The following ASRGL1 variants were observed in gnomAD, a reference collection of about 807,000 sequenced individuals.
ASRGL1 encodes asparaginase and isoaspartyl peptidase 1, also known as isoaspartyl peptidase/L-asparaginase.
ASRGL1 carries 16 observed loss-of-function variants against 22.4 expected under a neutral mutation model. That is an observed-to-expected ratio of 0.71 (90% CI 0.48 to 1.08). ASRGL1 has a LOEUF of 1.08. ASRGL1 is among the 50% of genes least tolerant of loss of function. The pLI, the probability that ASRGL1 is intolerant of heterozygous loss-of-function variation, is 0.00. For synonymous variants in ASRGL1, 165 were observed against 159.3 expected, an observed-to-expected ratio of 1.04 and a Z score of -0.27; for missense variants, 412 against 410.1, an observed-to-expected ratio of 1.00 and a Z score of -0.04.
chr11:62,400,390 T>G, the ASRGL1 span, among the ~76,000 whole-genome samples: 1 of 152,070 alleles, frequency 6.6e-6, no homozygotes, highest in Non-Finnish European at 1.5e-5. Context: ...CCAACCAGAG[T>G]GAGCCGTTCC....
chr11:62,371,055 A>G, intron 4 of ASRGL1: 1 of 507,926 alleles, frequency 2.0e-6, no homozygotes, highest in South Asian at 3.9e-5. Flanking sequence ...GAAAAAAAAA[A>G]AAGCCCTCCG....
downstream of ASRGL1, among the ~76,000 whole-genome samples, chr11:62,395,046 G>A (rs529118634): frequency 1.3e-5 from 2 of 152,332 alleles, no homozygotes; most frequent in African/African-American, 4.8e-5. Flanking sequence ...CCAAAGGGAA[G>A]GTACTCTATC....
At chr11:62,367,722 T>G (rs1946649469) in intron 4 of ASRGL1, among the ~76,000 whole-genome samples, 1 of 151,830 alleles carries the variant, frequency 6.6e-6, no homozygotes, top group Non-Finnish European at 1.5e-5. Flanking sequence ...GGTGGGTGGA[T>G]CACAAGGTCA....
chr11:62,390,973 T>C (rs1947322672), intron 5 of ASRGL1, among the ~76,000 whole-genome samples: 2 of 152,186 alleles, frequency 1.3e-5, no homozygotes, highest in Admixed American at 1.3e-4. Flanking sequence ...AGAAATCTTA[T>C]CAAAGTAGCT....
In ASRGL1 at chr11:62,338,262, G is replaced by A. The variant is rs75225813; in HGVS notation, c.190+95G>A. On this transcript the variant is annotated intron_variant, in intron 2 of 6. Coordinates refer to ENST00000415229, the MANE Select transcript of ASRGL1 (RefSeq NM_001083926.2). ...TACATAGTGTTAGGGAATCTAATGAGCTTTGGGGTGAAACTAAGTATGTAA... is the reference window on the plus strand; with the variant it reads ...TACATAGTGTTAGGGAATCTAATGAACTTTGGGGTGAAACTAAGTATGTAA... The A allele has an allele frequency of 4.8e-6, 6 of 1,248,872 alleles. No homozygotes were observed. In the East Asian group the frequency reaches 1.7e-4, roughly 36 times the overall value. The allele number at this position is 1,248,872 out of a possible 1,614,324, so 77.4% of individuals were successfully genotyped here.
chr11:62,397,960 TGGG>T (rs1947450537), downstream of ASRGL1, among the ~76,000 whole-genome samples: 1 of 152,076 alleles, frequency 6.6e-6, no homozygotes, highest in Non-Finnish European at 1.5e-5. Flanking sequence ...CACTGCTTGC[TGGG>T]TAGTTAGGGC....
rs1406791155 is a variant in ASRGL1, at chr11:62,373,598, A to C, written c.492-15535A>C. Among the ~76,000 whole-genome samples, 5 of 152,240 alleles carry C rather than the reference A, an allele frequency of 3.3e-5. No homozygotes were observed. The East Asian group carries it at 9.6e-4, about 29-fold the overall frequency. On this transcript the variant is annotated intron_variant, in intron 4 of 6. Transcript: ENST00000415229. Reference sequence around the variant, plus strand: ...ACTCAGAAAAAATGTCCCTTACAGGAACCGGCAGCAGCTAGGCGAAGTCGC... The same window carrying C: ...ACTCAGAAAAAATGTCCCTTACAGGCACCGGCAGCAGCTAGGCGAAGTCGC...
At chr11:62,358,936 A>G (rs1946369770) in intron 4 of ASRGL1, among the ~76,000 whole-genome samples, 2 of 152,370 alleles carry the variant, frequency 1.3e-5, no homozygotes, top group South Asian at 4.1e-4. Flanking sequence ...TTCTTGCATC[A>G]CAAAGTATTA....
At chr11:62,375,176 A>G (rs1946881478) in intron 4 of ASRGL1, among the ~76,000 whole-genome samples, 1 of 151,950 alleles carries the variant, frequency 6.6e-6, no homozygotes, top group Admixed American at 6.6e-5. Flanking sequence ...CTTCTGGCTT[A>G]GATTGAAAAA....
At chr11:62,383,260 G>A (rs942738716) in intron 4 of ASRGL1, 1 of 152,134 alleles carries the variant, frequency 6.6e-6, no homozygotes, top group South Asian at 2.1e-4. Context: ...GTTGACTCAA[G>A]AAAGCTTGTC....
chr11:62,362,470 T>G (rs1224219985), intron 4 of ASRGL1, among the ~76,000 whole-genome samples: 1 of 118,228 alleles, frequency 8.5e-6, no homozygotes, highest in Admixed American at 1.3e-4. Context: ...ATATATATAT[T>G]ATATAAAATA....
In ASRGL1 at chr11:62,362,535, TTA is replaced by T. The variant is rs1171739885; in HGVS notation, c.491+5396_491+5397del. On this transcript the variant is annotated intron_variant, in intron 4 of 6. Coordinates refer to ENST00000415229, the MANE Select transcript of ASRGL1 (RefSeq NM_001083926.2). ...ACATATATTATTTATATAATATATA[TTA>T]TATAAAATATATAACATATATTATT... Among the ~76,000 whole-genome samples, 175 of 71,954 alleles carry T rather than the reference TTA, an allele frequency of 2.4e-3. 2 individuals carry two copies. Among genetic ancestry groups the T allele is most frequent in the African/African-American group, 8.7e-3 (162 of 18,610 alleles). The allele number at this position is 71,954 out of a possible 152,430, so 47.2% of individuals were successfully genotyped here. A position where few individuals can be genotyped will look rare whatever the true frequency, so the allele number is the denominator to read the frequency against.
intron 4 of ASRGL1, chr11:62,371,663 C>T (rs1198983897): frequency 1.6e-6 from 1 of 622,350 alleles, no homozygotes; most frequent in Admixed American, 1.8e-5. Flanking sequence ...AAATAAGTGC[C>T]TAAACAAGGC....
chr11:62,361,511 CAG>C (rs1253457272), intron 4 of ASRGL1, among the ~76,000 whole-genome samples: 2 of 107,286 alleles, frequency 1.9e-5, no homozygotes, highest in African/African-American at 3.7e-5. Context: ...TTTTTTGAGA[CAG>C]AATCTTGTTC....
intron 2 of ASRGL1, among the ~76,000 whole-genome samples, chr11:62,345,003 A>G (rs996172602): frequency 6.6e-6 from 1 of 152,196 alleles, no homozygotes; most frequent in Non-Finnish European, 1.5e-5. Context: ...TATTTCACTT[A>G]CCATAATGAC....
intron 2 of ASRGL1, among the ~76,000 whole-genome samples, chr11:62,347,433 GCAAC>G (rs777606191): frequency 1.3e-5 from 2 of 152,108 alleles, no homozygotes; most frequent in Non-Finnish European, 2.9e-5. Context: ...TGGTTCCCTG[GCAAC>G]CAGCTCCCCA....
intron 4 of ASRGL1, among the ~76,000 whole-genome samples, chr11:62,361,670 TAG>T (rs1292180846): frequency 6.6e-6 from 1 of 151,756 alleles, no homozygotes; most frequent in African/African-American, 2.4e-5. Flanking sequence ...GTATTTTTAG[TAG>T]AGAGGGGGTT....
At chr11:62,395,881 C>T (rs924768887), downstream of ASRGL1, among the ~76,000 whole-genome samples, 1 of 146,952 alleles carries the variant, frequency 6.8e-6, no homozygotes, top group African/African-American at 2.5e-5. Flanking sequence ...AAGCAATTCT[C>T]CTGCCTCAGC....
intron 4 of ASRGL1, among the ~76,000 whole-genome samples, chr11:62,361,485 T>A (rs111576531): frequency 0.19 from 25,986 of 136,684 alleles, 2,377 homozygotes; most frequent in South Asian, 0.28. Context: ...TGGCCAATTT[T>A]TTTTTTTTTT....
Sources: gnomAD v4.1 joint callset for allele counts (sites outside exome capture counted in the v4.1 genomes callset) on GRCh38, gnomAD v4.1.1 for gene constraint, MANE v1.5 for transcripts, NCBI Gene and HGNC (gene_info 2026-07-23, HGNC 2026-07-21) for gene names.